Variants in AK5 observed in about 807,000 individuals in gnomAD.
The protein encoded by AK5 is adenylate kinase 5, also known as adenylate kinase isoenzyme 5.
A neutral mutation model predicts 69.5 loss-of-function variants in AK5; 27 were observed. That is an observed-to-expected ratio of 0.39 (90% CI 0.29 to 0.54). AK5 has a LOEUF of 0.54. Among genes scored for constraint, AK5 ranks in the 20% least tolerant of loss-of-function variants. The probability of loss-of-function intolerance (pLI) is 0.71; values close to 1 mark genes in which losing one functional copy is unlikely to be tolerated. For missense variants in AK5, 531 were observed against 700.4 expected, an observed-to-expected ratio of 0.76 and a Z score of 2.73; for synonymous variants, 260 against 244.4, an observed-to-expected ratio of 1.06 and a Z score of -0.60.
chr1:77,440,945 C>T (rs369885184), intron 8 of AK5, among the ~76,000 whole-genome samples: 14 of 152,126 alleles, frequency 9.2e-5, no homozygotes, highest in South Asian at 6.2e-4. Context: ...GACGGGGTTT[C>T]GCCATGTTGG....
At chr1:77,387,093 T>C (rs1429200704) in intron 6 of AK5, among the ~76,000 whole-genome samples, 3 of 152,222 alleles carry the variant, frequency 2.0e-5, no homozygotes, top group Non-Finnish European at 4.4e-5. Flanking sequence ...CGTTCATCTG[T>C]TCATGGATGC....
intron 8 of AK5, among the ~76,000 whole-genome samples, chr1:77,468,556 T>G (rs1654283524): frequency 6.6e-6 from 1 of 152,252 alleles, no homozygotes; most frequent in Non-Finnish European, 1.5e-5. Flanking sequence ...CTTTTAAGAG[T>G]TAACTCTCAT....
chr1:77,551,605 C>T lies in AK5; in HGVS notation c.1621-6997C>T, dbSNP rs1659824931. On this transcript the variant is annotated intron_variant, in intron 13 of 13. Coordinates refer to ENST00000354567, the MANE Select transcript of AK5 (RefSeq NM_174858.3). ...GAGCTCTGGGACCCTTCCCAGCTCTCCCCAAAACATTAGCTCTGGCCTGAT... is the reference window on the plus strand; with the variant it reads ...GAGCTCTGGGACCCTTCCCAGCTCTTCCCAAAACATTAGCTCTGGCCTGAT... 3.9e-5 allele frequency among the ~76,000 whole-genome samples: 6 copies of T among 152,122 alleles called. No individual in the cohort carries two copies. The South Asian group carries it at 1.2e-3, about 32-fold the overall frequency.
At chr1:77,557,052 A>G (rs1302249693) in intron 13 of AK5, among the ~76,000 whole-genome samples, 1 of 151,120 alleles carries the variant, frequency 6.6e-6, no homozygotes, top group East Asian at 1.9e-4. Flanking sequence ...ACCAGAACAC[A>G]GCCTCCCTAC....
At chr1:77,554,311 A>G (rs144914313) in intron 13 of AK5, among the ~76,000 whole-genome samples, 24 of 152,304 alleles carry the variant, frequency 1.6e-4, no homozygotes, top group African/African-American at 5.5e-4. Flanking sequence ...TTAACTGGCA[A>G]CACCAAACTA....
intron 6 of AK5, among the ~76,000 whole-genome samples, chr1:77,358,960 A>C (rs1823837): frequency 0.16 from 24,306 of 151,996 alleles, 2,069 homozygotes; most frequent in Middle Eastern, 0.23. Flanking sequence ...AAGGAAAAGA[A>C]TAAAAGAATT....
chr1:77,405,090 C>T (rs112816709), intron 6 of AK5, among the ~76,000 whole-genome samples: 130 of 152,210 alleles, frequency 8.5e-4, no homozygotes, highest in African/African-American at 3.0e-3. Flanking sequence ...ATGTATGTTA[C>T]AGAAGCAATC....
At chr1:77,335,544 G>A (rs1278174492) in intron 5 of AK5, among the ~76,000 whole-genome samples, 3 of 152,066 alleles carry the variant, frequency 2.0e-5, no homozygotes, top group African/African-American at 7.2e-5. Context: ...AACTTTCTGG[G>A]GTCTTCACAT....
chr1:77,343,132 A>G (rs138024001), intron 6 of AK5, among the ~76,000 whole-genome samples: 79 of 152,328 alleles, frequency 5.2e-4, no homozygotes, highest in African/African-American at 1.7e-3. Flanking sequence ...GTGATGGATT[A>G]TTAAGTGTGA....
intron 11 of AK5, 63 bp downstream of exon 11, chr1:77,518,790 TG>T (rs1234570864): frequency 6.6e-7 from 1 of 1,524,748 alleles, no homozygotes; most frequent in East Asian, 2.3e-5. Flanking sequence ...TTGGGGTTTT[TG>T]TAATGAATCT....
intron 13 of AK5, among the ~76,000 whole-genome samples, chr1:77,544,061 T>C (rs938174457): frequency 9.2e-5 from 14 of 152,222 alleles, no homozygotes; most frequent in Non-Finnish European, 2.9e-5. Context: ...TGGTATAGCC[T>C]ACTACACACG....
chr1:77,307,972 T>C (rs1659737221), intron 5 of AK5, among the ~76,000 whole-genome samples: 1 of 152,214 alleles, frequency 6.6e-6, no homozygotes, highest in Non-Finnish European at 1.5e-5. Context: ...ATGGTGGAGC[T>C]GTCTATTCTG....
chr1:77,450,559 T>A (rs1252029912), intron 8 of AK5, among the ~76,000 whole-genome samples: 1 of 139,982 alleles, frequency 7.1e-6, no homozygotes, highest in African/African-American at 2.6e-5. Context: ...AGTAAAAAAA[T>A]TATCATTATC....
intron 8 of AK5, among the ~76,000 whole-genome samples, chr1:77,452,758 T>A (rs1420900660): frequency 6.6e-6 from 1 of 152,242 alleles, no homozygotes; most frequent in African/African-American, 2.4e-5. Flanking sequence ...AGTGCTTCCA[T>A]GAGCTTCTAG....
intron 5 of AK5, among the ~76,000 whole-genome samples, chr1:77,306,358 T>C (rs1659635554): frequency 6.6e-6 from 1 of 152,218 alleles, no homozygotes; most frequent in Admixed American, 6.5e-5. Flanking sequence ...TACCCATCAT[T>C]CTATTCATAT....
At chr1:77,554,124 C>T (rs1030889903) in intron 13 of AK5, among the ~76,000 whole-genome samples, 2 of 152,154 alleles carry the variant, frequency 1.3e-5, no homozygotes, top group African/African-American at 4.8e-5. Flanking sequence ...ACACCTCATT[C>T]CAACCTATTT....
intron 6 of AK5, among the ~76,000 whole-genome samples, chr1:77,346,690 G>T (rs1661932901): frequency 6.6e-6 from 1 of 152,128 alleles, no homozygotes. Context: ...TAGAGACAGG[G>T]TCTCACTTTG....
At chr1:77,408,249 C>T (rs1037717721) in intron 6 of AK5, among the ~76,000 whole-genome samples, 11 of 152,294 alleles carry the variant, frequency 7.2e-5, no homozygotes, top group African/African-American at 2.4e-4. Flanking sequence ...TGTATTCCCA[C>T]CAATAGTAAA....
At chr1:77,471,565 A>G (rs918732385) in intron 8 of AK5, among the ~76,000 whole-genome samples, 6 of 152,180 alleles carry the variant, frequency 3.9e-5, no homozygotes, top group African/African-American at 1.2e-4. Context: ...TTAGAGACCT[A>G]TCTTCTGCAA....
Sources: gnomAD v4.1 joint callset for allele counts (sites outside exome capture counted in the v4.1 genomes callset) on GRCh38, gnomAD v4.1.1 for gene constraint, MANE v1.5 for transcripts, NCBI Gene and HGNC (gene_info 2026-07-23, HGNC 2026-07-21) for gene names.